The following OLA1 variants were observed in gnomAD, a reference collection of about 807,000 sequenced individuals.
The protein encoded by OLA1 is obg-like ATPase 1.
A neutral mutation model predicts 48.4 loss-of-function variants in OLA1; 14 were observed. The ratio of observed to expected loss-of-function variants is 0.29; its 90% CI spans 0.19 to 0.45. The LOEUF is 0.45. OLA1 is among the 20% of genes least tolerant of loss of function. The probability of loss-of-function intolerance (pLI) is 1.00; values close to 1 mark genes in which losing one functional copy is unlikely to be tolerated. For missense variants in OLA1, 325 were observed against 467.1 expected, an observed-to-expected ratio of 0.70 and a Z score of 2.80; for synonymous variants, 127 against 150.4, an observed-to-expected ratio of 0.84 and a Z score of 1.14.
rs1313740711 is a variant in OLA1 at position 174,147,248 on chromosome 2, G to A, written c.374-5248C>T. 2.6e-5 allele frequency among the ~76,000 whole-genome samples: 4 copies of A among 152,206 alleles called. No homozygotes were observed. In the East Asian group the frequency reaches 7.7e-4, roughly 29 times the overall value. ...TCGAGACCAGCCTGACCGACATGGA[G>A]AAAACACATCTCTACTAAAAATACA... On this transcript the variant is annotated intron_variant, in intron 4 of 10. Transcript: ENST00000284719.
intron 4 of OLA1, among the ~76,000 whole-genome samples, chr2:174,166,071 G>A (rs1436898549): frequency 6.6e-6 from 1 of 151,218 alleles, no homozygotes; most frequent in Non-Finnish European, 1.5e-5. Flanking sequence ...GGTCACATGA[G>A]CAGAGATCGT....
At chr2:174,167,328 C>T (rs188287448) in intron 4 of OLA1, among the ~76,000 whole-genome samples, 1 of 152,336 alleles carries the variant, frequency 6.6e-6, no homozygotes, top group African/African-American at 2.4e-5. Context: ...GTAATCCCAA[C>T]ACTTTGGGAG....
intron 3 of OLA1, among the ~76,000 whole-genome samples, chr2:174,225,064 G>C (rs1028727013): frequency 7.2e-5 from 11 of 152,170 alleles, no homozygotes; most frequent in African/African-American, 2.4e-4. Flanking sequence ...CCTGGTGGGA[G>C]GCGTTTGGGT....
At position 174,081,169 on chromosome 2, in the gene OLA1, G is replaced by A. The variant is rs375033952; in HGVS notation, c.949C>T (p.Arg317Cys). The change falls in exon 9 of 11, where the codon CGT (arginine) becomes TGT (cysteine). Residue 317 changes from arginine (R) to cysteine (C), a missense_variant. Transcript: ENST00000284719. ...YFFTAGPDEV[R>C]AWTIRKGTKA... is the part of the protein sequence containing the mutation. ...AATCTTACCCTGATGGTCCATGCAC[G>A]CACTTCATCTGGGCCTGCAGTGAAA... 8.1e-6 allele frequency: 13 copies of A among 1,611,548 alleles called. No individual in the cohort carries two copies. In the Admixed American group the frequency reaches 1.2e-4, roughly 14 times the overall value.
intron 4 of OLA1, among the ~76,000 whole-genome samples, chr2:174,143,498 G>A (rs1686508417): frequency 6.6e-6 from 1 of 152,130 alleles, no homozygotes; most frequent in Admixed American, 6.5e-5. Flanking sequence ...TAACTTACAG[G>A]AGTGACTAAG....
At chr2:174,143,566 A>G (rs951428111) in intron 4 of OLA1, among the ~76,000 whole-genome samples, 2 of 152,226 alleles carry the variant, frequency 1.3e-5, no homozygotes, top group African/African-American at 2.4e-5. Flanking sequence ...TGTAGGGTCC[A>G]AAGACTAACC....
intron 5 of OLA1, among the ~76,000 whole-genome samples, chr2:174,131,621 T>G (rs999048687): frequency 6.6e-6 from 1 of 152,112 alleles, no homozygotes; most frequent in Non-Finnish European, 1.5e-5. Flanking sequence ...TCCCAACACT[T>G]GGTATTGTCA....
rs138659892 is a variant in OLA1 at position 174,183,456 on chromosome 2, C to A, written c.373+39577G>T. 2.6e-5 allele frequency among the ~76,000 whole-genome samples: 4 copies of A among 152,302 alleles called. 1 individual carries two copies. The highest frequency in any genetic ancestry group is 9.6e-5 in the African/African-American group (4 of 41,566). On this transcript the variant is annotated intron_variant, in intron 4 of 10. Transcript: ENST00000284719. ...AAGATCCAGGTTGGAGAAGAGAGAA[C>A]CCTAGCTGGAAAATCTGAATTCACC...
intron 7 of OLA1, among the ~76,000 whole-genome samples, chr2:174,082,978 A>T (rs189638897): frequency 3.3e-4 from 50 of 152,250 alleles, no homozygotes; most frequent in African/African-American, 1.2e-3. Context: ...TAGAGATAAT[A>T]ATAGTACATA....
chr2:174,105,818 T>C (rs1265003544), intron 7 of OLA1, among the ~76,000 whole-genome samples: 1 of 152,136 alleles, frequency 6.6e-6, no homozygotes, highest in Middle Eastern at 3.4e-3. Context: ...TAAAAGTACG[T>C]TATAATATTC....
At chr2:174,206,470 A>G (rs919403904) in intron 4 of OLA1, among the ~76,000 whole-genome samples, 12 of 152,224 alleles carry the variant, frequency 7.9e-5, no homozygotes, top group African/African-American at 2.9e-4. Context: ...ATTTCAAGAT[A>G]CCAGAGTTTC....
chr2:174,188,438 T>C (rs1380762048), intron 4 of OLA1, among the ~76,000 whole-genome samples: 1 of 152,064 alleles, frequency 6.6e-6, no homozygotes, highest in Admixed American at 6.6e-5. Flanking sequence ...TACAGCATCA[T>C]AGATGGAGAC....
intron 7 of OLA1, among the ~76,000 whole-genome samples, chr2:174,111,686 A>G (rs1209636429): frequency 1.3e-5 from 2 of 152,304 alleles, no homozygotes; most frequent in Non-Finnish European, 2.9e-5. Context: ...TTTGTATTTC[A>G]GCTAATAAAG....
intron 5 of OLA1, among the ~76,000 whole-genome samples, chr2:174,140,446 C>A (rs1015625362): frequency 1.1e-4 from 17 of 151,800 alleles, no homozygotes; most frequent in Non-Finnish European, 2.2e-4. Flanking sequence ...GGGCTCACTG[C>A]AGCCTCCACC....
intron 7 of OLA1, among the ~76,000 whole-genome samples, chr2:174,118,311 T>C (rs1685831600): frequency 6.6e-6 from 1 of 152,172 alleles, no homozygotes; most frequent in South Asian, 2.1e-4. Flanking sequence ...ACTCAGTGTT[T>C]TGGTAACAAA....
At chr2:174,121,326 A>AT (rs1685909429) in intron 7 of OLA1, among the ~76,000 whole-genome samples, 1 of 152,110 alleles carries the variant, frequency 6.6e-6, no homozygotes, top group African/African-American at 2.4e-5. Context: ...TTCCTCAATC[A>AT]TTTTTTACGA....
intron 4 of OLA1, among the ~76,000 whole-genome samples, chr2:174,187,599 T>C (rs1215915789): frequency 6.6e-6 from 1 of 152,240 alleles, no homozygotes; most frequent in Non-Finnish European, 1.5e-5. Context: ...TGTTATTCCT[T>C]GGAAATTGTT....
At chr2:174,204,379 C>T (rs978561221) in intron 4 of OLA1, among the ~76,000 whole-genome samples, 6 of 151,762 alleles carry the variant, frequency 4.0e-5, no homozygotes, top group African/African-American at 7.3e-5. Context: ...CCAGCCTGGG[C>T]GACAGAGCGA....
chr2:174,238,028 T>A (rs1377160876), intron 2 of OLA1, among the ~76,000 whole-genome samples: 1 of 152,156 alleles, frequency 6.6e-6, no homozygotes, highest in Non-Finnish European at 1.5e-5. Context: ...TTGACCAACA[T>A]CATTATGCAG....
Sources: gnomAD v4.1 joint callset for allele counts (sites outside exome capture counted in the v4.1 genomes callset) on GRCh38, gnomAD v4.1.1 for gene constraint, MANE v1.5 for transcripts, NCBI Gene and HGNC (gene_info 2026-07-23, HGNC 2026-07-21) for gene names.